The following MAP2K6 variants were observed in gnomAD, a reference collection of about 807,000 sequenced individuals.
MAP2K6 encodes the protein dual specificity mitogen-activated protein kinase kinase 6.
A neutral mutation model predicts 53.7 loss-of-function variants in MAP2K6; 16 were observed. The ratio of observed to expected loss-of-function variants is 0.30; its 90% CI spans 0.20 to 0.45. The LOEUF is 0.45. Among genes scored for constraint, MAP2K6 ranks in the 20% least tolerant of loss-of-function variants. The pLI, the probability that MAP2K6 is intolerant of heterozygous loss-of-function variation, is 1.00. For missense variants in MAP2K6, 204 were observed against 411.9 expected (o/e 0.50, Z 4.37); for synonymous variants, 132 against 143.1 (o/e 0.92, Z 0.55).
chr17:69,518,558 T>A (rs997545913), intron 4 of MAP2K6, among the ~76,000 whole-genome samples: 5 of 152,160 alleles, frequency 3.3e-5, no homozygotes, highest in African/African-American at 1.2e-4. Context: ...GTTTGGAGGA[T>A]CATAAAGAAT....
chr17:69,416,078 G>GA (rs1327765881), intron 1 of MAP2K6, among the ~76,000 whole-genome samples: 1 of 152,192 alleles, frequency 6.6e-6, no homozygotes, highest in Non-Finnish European at 1.5e-5. Flanking sequence ...TGCCATATGA[G>GA]AAGTATGGGA....
At chr17:69,520,201 T>G in intron 5 of MAP2K6, 69 bp from the exon 6 acceptor site, 2 of 807,396 alleles carry the variant, frequency 2.5e-6, no homozygotes, top group Admixed American at 2.7e-5. Context: ...GGTTTACTGT[T>G]TTTTTTTTTT....
At chr17:69,515,226 G>A (rs566986269) in intron 2 of MAP2K6, among the ~76,000 whole-genome samples, 4 of 151,148 alleles carry the variant, frequency 2.6e-5, no homozygotes, top group African/African-American at 9.7e-5. Flanking sequence ...GCACAATCTC[G>A]GCTCACTGCA....
In MAP2K6 at chr17:69,476,512, A is replaced by G. The variant is rs371106898; in HGVS notation, c.17-29268A>G. On this transcript the variant is annotated intron_variant, in intron 1 of 11. Coordinates refer to ENST00000590474, the MANE Select transcript of MAP2K6 (RefSeq NM_002758.4). ...GAAAACTCATGGAGTCCCTACTCAT[A>G]CACTCATTGCTGCACCTCCTTTGAC... 3.9e-5 allele frequency among the ~76,000 whole-genome samples: 6 copies of G among 152,222 alleles called. No homozygotes were observed. The East Asian group carries it at 7.7e-4, about 20-fold the overall frequency.
In MAP2K6 at chr17:69,548,065, T is replaced by C. The variant is rs1911945508; in HGVS notation, c.*6312T>C. On this transcript the variant is annotated 3_prime_UTR_variant, in exon 12 of 12. Coordinates refer to ENST00000590474, the MANE Select transcript of MAP2K6 (RefSeq NM_002758.4). ...CACATTTTAAGGAAGTAGGAAAGAG[T>C]AGTTTGAAGTCACAAAATTTGTTCT... 6.6e-6 allele frequency: 1 copy of C among 152,196 alleles called. No homozygotes were observed. The highest frequency in any genetic ancestry group is 1.9e-4 in the East Asian group (1 of 5,180). 9.4% of individuals were successfully genotyped at this position (152,196 alleles called of 1,614,324 possible). A position where few individuals can be genotyped will look rare whatever the true frequency, so the allele number is the denominator to read the frequency against.
At chr17:69,419,591 A>G (rs906096639) in intron 1 of MAP2K6, among the ~76,000 whole-genome samples, 2 of 152,128 alleles carry the variant, frequency 1.3e-5, no homozygotes. Flanking sequence ...TTTGTGTTTC[A>G]TGTGCCCAAA....
At chr17:69,528,582 G>A (rs1484005254) in intron 10 of MAP2K6, among the ~76,000 whole-genome samples, 6 of 151,956 alleles carry the variant, frequency 3.9e-5, no homozygotes, top group African/African-American at 1.5e-4. Context: ...TGAGGGGCCG[G>A]GCGTGGTGGC....
chr17:69,517,596 C>T lies in MAP2K6; in HGVS notation c.229C>T (p.Gln77Ter). 1 of 1,599,698 alleles carries T rather than the reference C, an allele frequency of 6.3e-7. No homozygotes were observed. Residue 77 changes from glutamine to a stop codon, truncating the protein, a stop_gained, in exon 4 of 12, where the codon CAG becomes TAG. Transcript: ENST00000590474. LOFTEE classifies it high-confidence loss of function. The stretch of plus-strand genomic sequence containing the variant: ...GAAGATGCGGCACGTGCCCAGCGGG[C>T]AGATCATGGCAGTGAAGGTAGAGTT... ...VEKMRHVPSGQIMAVKRIRAT... is the reference protein window; with the variant it reads ...VEKMRHVPSG
intron 1 of MAP2K6, among the ~76,000 whole-genome samples, chr17:69,416,221 C>T (rs1963458): frequency 0.39 from 58,533 of 151,896 alleles, 11,801 homozygotes; most frequent in Middle Eastern, 0.46. Context: ...GTTGTTGCAC[C>T]GCTTTTTAAT....
chr17:69,516,407 T>G (rs895803760), intron 2 of MAP2K6, among the ~76,000 whole-genome samples: 1 of 152,170 alleles, frequency 6.6e-6, no homozygotes, highest in African/African-American at 2.4e-5. Flanking sequence ...GATGGGGAGC[T>G]ACTGTAAGTA....
chr17:69,519,669 TG>T (rs1452684752), intron 5 of MAP2K6: 6 of 482,158 alleles, frequency 1.2e-5, no homozygotes, highest in Non-Finnish European at 2.2e-5. Context: ...CTTTCTTTTT[TG>T]TTTTGTTTAT....
intron 1 of MAP2K6, among the ~76,000 whole-genome samples, chr17:69,439,814 A>AATT (rs1176594493): frequency 2.0e-5 from 3 of 152,228 alleles, no homozygotes; most frequent in African/African-American, 7.2e-5. Context: ...CTTCTAGCTA[A>AATT]AATAGCTACT....
At chr17:69,428,097 C>T (rs780287373) in intron 1 of MAP2K6, among the ~76,000 whole-genome samples, 11 of 152,172 alleles carry the variant, frequency 7.2e-5, no homozygotes, top group Non-Finnish European at 1.5e-4. Context: ...TAGACTGATA[C>T]AAAAATGAAC....
At chr17:69,520,124 A>T (rs937462730) in intron 5 of MAP2K6, 146 bp from the exon 6 acceptor site, 3 of 584,016 alleles carry the variant, frequency 5.1e-6, no homozygotes, top group East Asian at 3.0e-5. Context: ...TTCCTTTATG[A>T]TCTTGACAGA....
At chr17:69,483,736 G>T (rs559853019) in intron 1 of MAP2K6, among the ~76,000 whole-genome samples, 1 of 152,076 alleles carries the variant, frequency 6.6e-6, no homozygotes, top group African/African-American at 2.4e-5. Flanking sequence ...CGTGATGCTG[G>T]ATTAAGGATA....
Position 69,552,139 on chromosome 17 carries a change from G to T in MAP2K6, c.*10386G>T, listed in dbSNP as rs1279759325. On this transcript the variant is annotated 3_prime_UTR_variant, in exon 12 of 12. Transcript: ENST00000590474. ...ATATATGATTGATTGTTTGCCTGTT[G>T]CACCCTAAAGTTATTTTCAAACCAT... 1 of 152,184 alleles carries T rather than the reference G, an allele frequency of 6.6e-6. No homozygotes were observed. Among genetic ancestry groups the T allele is most frequent in the Non-Finnish European group, 1.5e-5 (1 of 68,024 alleles). The allele number at this position is 152,184 out of a possible 1,614,324, so 9.4% of individuals were successfully genotyped here.
chr17:69,465,309 C>G (rs550491659), intron 1 of MAP2K6, among the ~76,000 whole-genome samples: 2 of 152,136 alleles, frequency 1.3e-5, no homozygotes, highest in East Asian at 3.9e-4. Context: ...CTCTATAAAT[C>G]TATAAGTTAC....
chr17:69,448,213 T>A (rs1907040157), intron 1 of MAP2K6, among the ~76,000 whole-genome samples: 1 of 151,534 alleles, frequency 6.6e-6, no homozygotes, highest in Non-Finnish European at 1.5e-5. Context: ...TCTAGCCCTG[T>A]AGGGAAATAT....
intron 10 of MAP2K6, among the ~76,000 whole-genome samples, chr17:69,529,504 A>ATTTT: frequency 1.0e-5 from 1 of 98,386 alleles, no homozygotes; most frequent in Non-Finnish European, 1.9e-5. Flanking sequence ...ATGGTTTTTA[A>ATTTT]TTTTTTTTTT....
Sources: gnomAD v4.1 joint callset for allele counts (sites outside exome capture counted in the v4.1 genomes callset) on GRCh38, gnomAD v4.1.1 for gene constraint, MANE v1.5 for transcripts, NCBI Gene and HGNC (gene_info 2026-07-23, HGNC 2026-07-21) for gene names.